The following LAMTOR1 variants were observed in gnomAD, a reference collection of about 807,000 sequenced individuals.
The protein encoded by LAMTOR1 is late endosomal/lysosomal adaptor, MAPK and MTOR activator 1, also known as ragulator complex protein LAMTOR1.
LAMTOR1 carries 8 observed loss-of-function variants against 20.5 expected under a neutral mutation model. That is an observed-to-expected ratio of 0.39 (90% confidence interval 0.23 to 0.70). The LOEUF (loss-of-function observed/expected upper bound fraction) is 0.70. Among genes scored for constraint, LAMTOR1 ranks in the 30% least tolerant of loss-of-function variants. LAMTOR1 has a pLI of 0.43. For synonymous variants in LAMTOR1, 77 were observed against 80.9 expected (o/e 0.95, Z 0.26); for missense variants, 135 against 206.2 (o/e 0.65, Z 2.11).
At chr11:72,097,958 G>A (rs769405766) in intron 4 of LAMTOR1, 44 bp from the exon 5 acceptor site, 1 of 1,539,116 alleles carries the variant, frequency 6.5e-7, no homozygotes, top group South Asian at 1.3e-5. Context: ...AGAGACAGGT[G>A]AGGAGGGCAA....
chr11:72,099,604 T>C (rs897250847), intron 1 of LAMTOR1, among the ~76,000 whole-genome samples: 6 of 152,148 alleles, frequency 3.9e-5, no homozygotes, highest in Non-Finnish European at 5.9e-5. Context: ...ACAGTGGAGC[T>C]GAGACATAGC....
intron 2 of LAMTOR1, 44 bp from the exon 3 acceptor site, chr11:72,098,902 G>T: frequency 6.7e-7 from 1 of 1,491,830 alleles, no homozygotes; most frequent in African/African-American, 1.4e-5. Flanking sequence ...GTGCTTCCGA[G>T]AAGGACAAAC....
In LAMTOR1 at chr11:72,097,488, A is replaced by G; in HGVS notation, c.*334T>C. 3.7e-6 allele frequency: 4 copies of G among 1,089,538 alleles called. No individual in the cohort carries two copies. In the South Asian group the frequency reaches 1.1e-4, roughly 31 times the overall value. 67.5% of individuals were successfully genotyped at this position (1,089,538 alleles called of 1,614,324 possible). ...GGGCAGGAGTGACTCTGAGGCCAAC[A>G]GAGAGGGTGGGAAGGGGATCTCCCT... On this transcript the variant is annotated 3_prime_UTR_variant, in exon 5 of 5. Transcript: ENST00000278671.
chr11:72,098,436 GGGGGTA>G, intron 3 of LAMTOR1, 21 bp from the exon 4 acceptor site: 3 of 1,602,752 alleles, frequency 1.9e-6, no homozygotes, highest in Non-Finnish European at 2.6e-6. Flanking sequence ...GAGAGGGGGT[GGGGGTA>G]GGCAGTTAAG....
Position 72,097,765 on chromosome 11 carries a change from G to A in LAMTOR1, c.*57C>T, listed in dbSNP as rs543375424. 2.5e-6 allele frequency: 4 copies of A among 1,613,466 alleles called. No homozygotes were observed. Among genetic ancestry groups the A allele is most frequent in the East Asian group, 2.2e-5 (1 of 44,884 alleles). On this transcript the variant is annotated 3_prime_UTR_variant, in exon 5 of 5. Coordinates refer to ENST00000278671, the MANE Select transcript of LAMTOR1 (RefSeq NM_017907.3). The stretch of plus-strand genomic sequence containing the variant: ...AGCCGCAGTGAGGCTGGGGGCCAAG[G>A]GGGTGGGGTAGAGATGGGATGAAGA...
In LAMTOR1 at chr11:72,097,493, G is replaced by T; in HGVS notation, c.*329C>A. On this transcript the variant is annotated 3_prime_UTR_variant, in exon 5 of 5. Transcript: ENST00000278671. ...GGAGTGACTCTGAGGCCAACAGAGA[G>T]GGTGGGAAGGGGATCTCCCTAGGTC... 1 of 1,096,582 alleles carries T rather than the reference G, an allele frequency of 9.1e-7. No individual in the cohort carries two copies. The highest frequency in any genetic ancestry group is 6.7e-5 in the East Asian group (1 of 15,006). 67.9% of individuals were successfully genotyped at this position (1,096,582 alleles called of 1,614,324 possible).
At chr11:72,097,984 A>T in intron 4 of LAMTOR1, 70 bp from the exon 5 acceptor site, 1 of 1,501,906 alleles carries the variant, frequency 6.7e-7, no homozygotes, top group Non-Finnish European at 8.9e-7. Context: ...AAAAATGGGG[A>T]GGGGAGATTA....
Position 72,097,881 on chromosome 11 carries a change from G to C in LAMTOR1, c.427C>G (p.Leu143Val), listed in dbSNP as rs1945284539. ...TTTGCGTCCACACGGATCTGAGAAA[G>C]TGCACTGTAGGCATAAGCAGCTATC... ...SRIAAYAYSA[L>V]SQIRVDAKEE... Residue 143 changes from leucine to valine, a missense_variant, in exon 5 of 5, where the codon CTT (leucine) becomes GTT (valine). Leu to Val is a conservative substitution (Grantham distance 32). Coordinates refer to ENST00000278671, the MANE Select transcript of LAMTOR1 (RefSeq NM_017907.3). The C allele has an allele frequency of 6.2e-7, 1 of 1,610,316 alleles. No homozygotes were observed. The highest frequency in any genetic ancestry group is 8.5e-7 in the Non-Finnish European group (1 of 1,177,202).
chr11:72,101,949 G>A (rs1405117577), intron 1 of LAMTOR1, among the ~76,000 whole-genome samples: 2 of 152,190 alleles, frequency 1.3e-5, no homozygotes, highest in Non-Finnish European at 2.9e-5. Flanking sequence ...AGTAGGCAGG[G>A]TTATTGTTGT....
chr11:72,098,576 C>G, intron 3 of LAMTOR1, 161 bp from the exon 4 acceptor site: 1 of 965,532 alleles, frequency 1.0e-6, no homozygotes, highest in Non-Finnish European at 1.5e-6. Flanking sequence ...AGGCCCATCT[C>G]CCTTGGCCTC....
At position 72,098,369 on chromosome 11, in the gene LAMTOR1, G is replaced by T. The variant is rs759702170; in HGVS notation, c.313C>A (p.Leu105Met). ...CTGGTAAGAGACGGCAGCGGTGGCA[G>T]CTTCTTCCAATGGGTCAGGCTGCTG... is the stretch of plus-strand genomic sequence containing the variant. ...LSSSLTHWKK[L>M]PPLPSLTSQP... is the part of the protein sequence containing the mutation. Residue 105 changes from leucine to methionine, a missense_variant, in exon 4 of 5, where the codon CTG becomes ATG. Transcript: ENST00000278671. 6.2e-7 allele frequency: 1 copy of T among 1,612,476 alleles called. No homozygotes were observed. The highest frequency in any genetic ancestry group is 1.3e-5 in the African/African-American group (1 of 74,894).
At chr11:72,099,525 T>G (rs142846384) in intron 1 of LAMTOR1, among the ~76,000 whole-genome samples, 1 of 152,226 alleles carries the variant, frequency 6.6e-6, no homozygotes, top group East Asian at 1.9e-4. Flanking sequence ...AAGCAGGTAG[T>G]CAGCAACAGC....
At position 72,097,571 on chromosome 11, in the gene LAMTOR1, T is replaced by C. The variant is rs1015207103; in HGVS notation, c.*251A>G. ...GGTATCTCCACATTCTCAATGACTA[T>C]GAAGACATACCAGGCTCTGTCCTTT... On this transcript the variant is annotated 3_prime_UTR_variant, in exon 5 of 5. Coordinates refer to ENST00000278671, the MANE Select transcript of LAMTOR1 (RefSeq NM_017907.3). 3 of 1,312,020 alleles carry C rather than the reference T, an allele frequency of 2.3e-6. No individual in the cohort carries two copies. Among genetic ancestry groups the C allele is most frequent in the Non-Finnish European group, 2.9e-6 (3 of 1,023,976 alleles). 81.3% of individuals were successfully genotyped at this position (1,312,020 alleles called of 1,614,324 possible).
Position 72,099,367 on chromosome 11 carries a change from G to C in LAMTOR1, c.43-111C>G. The stretch of plus-strand genomic sequence containing the variant: ...TTAAACACCAAAAATGTTTCTATAA[G>C]GAATATCTAAAGTGCCCAGCTTTAT... On this transcript the variant is annotated intron_variant, in intron 1 of 4. Transcript: ENST00000278671. The C allele has an allele frequency of 4.9e-6, 6 of 1,234,668 alleles. No homozygotes were observed. In the South Asian group the frequency reaches 9.6e-5, roughly 20 times the overall value. The allele number at this position is 1,234,668 out of a possible 1,614,324, so 76.5% of individuals were successfully genotyped here.
At chr11:72,098,515 C>T in intron 3 of LAMTOR1, 100 bp from the exon 4 acceptor site, 1 of 1,398,830 alleles carries the variant, frequency 7.1e-7, no homozygotes, top group Non-Finnish European at 9.7e-7. Flanking sequence ...AGCAGGGTGT[C>T]GAGGAGGGGT....
intron 2 of LAMTOR1, 81 bp downstream of exon 2, chr11:72,099,030 G>A: frequency 5.1e-6 from 8 of 1,563,308 alleles, no homozygotes; most frequent in Non-Finnish European, 7.0e-6. Flanking sequence ...CATCCCCCAT[G>A]TCCTGAGCCT....
intron 3 of LAMTOR1, 165 bp from the exon 4 acceptor site, chr11:72,098,580 T>C: frequency 2.1e-6 from 2 of 937,064 alleles, no homozygotes; most frequent in Admixed American, 2.7e-5. Flanking sequence ...CCATCTCCCT[T>C]GGCCTCAGCG....
At position 72,103,176 on chromosome 11, in the gene LAMTOR1, G is replaced by A. The variant is rs1945515501; in HGVS notation, c.42+7C>T. The A allele has an allele frequency of 6.3e-7, 1 of 1,584,344 alleles. No individual in the cohort carries two copies. Among genetic ancestry groups the A allele is most frequent in the African/African-American group, 1.3e-5 (1 of 74,488 alleles). The stretch of plus-strand genomic sequence containing the variant: ...TCATTCCCGAGCCCCGCCTGCCGCG[G>A]CCGCACCTGGTCCGAGTCCTCGTTC... On this transcript the variant is annotated splice_region_variant and intron_variant, in intron 1 of 4. Transcript: ENST00000278671.
intron 2 of LAMTOR1, 70 bp from the exon 3 acceptor site, chr11:72,098,928 G>A: frequency 1.4e-6 from 2 of 1,399,594 alleles, no homozygotes; most frequent in South Asian, 2.7e-5. Flanking sequence ...TCAGTGCCAG[G>A]TACCAACTCC....
Sources: allele counts gnomAD v4.1 joint callset (sites outside exome capture counted in the v4.1 genomes callset), GRCh38; gene constraint gnomAD v4.1.1; transcripts MANE v1.5; gene names NCBI Gene and HGNC (gene_info 2026-07-23, HGNC 2026-07-21).